TENM4: variants seen among roughly 807,000 people sequenced by gnomAD.
TENM4 encodes teneurin-4.
In TENM4, 82 loss-of-function variants were observed where a neutral mutation model predicts 243.3. That is an observed-to-expected ratio of 0.34 (90% CI 0.28 to 0.40). TENM4 has a LOEUF of 0.40. TENM4 is among the 10% of genes least tolerant of loss of function. TENM4 has a pLI of 1.00. For synonymous variants in TENM4, 1,412 were observed against 1,456.3 expected, an observed-to-expected ratio of 0.97 and a Z score of 0.69; for missense variants, 3,138 against 3,673.3, an observed-to-expected ratio of 0.85 and a Z score of 3.77.
At chr11:79,247,720 C>A (rs1293974783) in intron 2 of TENM4, among the ~76,000 whole-genome samples, 3 of 152,216 alleles carry the variant, frequency 2.0e-5, no homozygotes, top group Non-Finnish European at 4.4e-5. Flanking sequence ...CATGTCTGTC[C>A]CAGGACAGTG....
At chr11:78,825,181 C>T (rs533822358) in intron 12 of TENM4, among the ~76,000 whole-genome samples, 109 of 152,304 alleles carry the variant, frequency 7.2e-4, no homozygotes, top group Non-Finnish European at 1.4e-3. Context: ...GTCACTACAC[C>T]GGTCTAGGTC....
At chr11:78,713,438 A>C (rs773705003) in intron 25 of TENM4, among the ~76,000 whole-genome samples, 1 of 152,260 alleles carries the variant, frequency 6.6e-6, no homozygotes, top group African/African-American at 2.4e-5. Flanking sequence ...AGGCTGTGCC[A>C]ACAGAGAGAG....
intron 28 of TENM4, among the ~76,000 whole-genome samples, chr11:78,697,888 C>T (rs183025406): frequency 6.6e-6 from 1 of 152,192 alleles, no homozygotes; most frequent in African/African-American, 2.4e-5. Flanking sequence ...GCCATCTGAC[C>T]AGGAGCTAAG....
At chr11:78,829,436 G>C (rs1333349004) in intron 12 of TENM4, among the ~76,000 whole-genome samples, 2 of 152,164 alleles carry the variant, frequency 1.3e-5, no homozygotes, top group African/African-American at 4.8e-5. Flanking sequence ...GGGTTGGAGG[G>C]CTCAATGAGA....
chr11:79,030,067 T>TA (rs985102273), intron 6 of TENM4, among the ~76,000 whole-genome samples: 11 of 152,258 alleles, frequency 7.2e-5, no homozygotes, highest in African/African-American at 2.2e-4. Context: ...CGCCCTGGAT[T>TA]AAAAGCAAGA....
intron 12 of TENM4, among the ~76,000 whole-genome samples, chr11:78,847,583 C>T (rs368412882): frequency 1.3e-5 from 2 of 152,346 alleles, no homozygotes; most frequent in African/African-American, 2.4e-5. Context: ...CAGATTGCTC[C>T]AAATAAATCA....
chr11:79,391,974 A>G (rs1162992155), intron 1 of TENM4, among the ~76,000 whole-genome samples: 3 of 152,380 alleles, frequency 2.0e-5, no homozygotes, highest in East Asian at 1.9e-4. Flanking sequence ...AAAAAAATCA[A>G]TATATTATTG....
At chr11:79,010,647 C>T (rs1417926711) in intron 6 of TENM4, among the ~76,000 whole-genome samples, 1 of 152,118 alleles carries the variant, frequency 6.6e-6, no homozygotes, top group African/African-American at 2.4e-5. Context: ...GAAACTCCCC[C>T]TTATTAAACC....
intron 1 of TENM4, among the ~76,000 whole-genome samples, chr11:79,439,747 T>G (rs957037477): frequency 1.3e-5 from 2 of 151,830 alleles, no homozygotes; most frequent in Middle Eastern, 3.2e-3. Context: ...CATTTAAAAA[T>G]GGCAATTAAA....
At chr11:78,996,746 C>T (rs1482740158) in intron 6 of TENM4, among the ~76,000 whole-genome samples, 1 of 152,116 alleles carries the variant, frequency 6.6e-6, no homozygotes, top group Non-Finnish European at 1.5e-5. Flanking sequence ...CTTCTCTTCC[C>T]TTCTCTAGGA....
chr11:79,437,787 C>T (rs1230633384), intron 1 of TENM4, among the ~76,000 whole-genome samples: 7 of 152,334 alleles, frequency 4.6e-5, no homozygotes, highest in Non-Finnish European at 1.0e-4. Flanking sequence ...GATTCCCGCC[C>T]TGCCCGGGGA....
chr11:79,134,797 G>A (rs1159237879), intron 4 of TENM4, among the ~76,000 whole-genome samples: 1 of 152,110 alleles, frequency 6.6e-6, no homozygotes, highest in East Asian at 1.9e-4. Flanking sequence ...GCGACATGTA[G>A]GAGAATGAAA....
chr11:79,049,133 T>C (rs950647278), intron 6 of TENM4, among the ~76,000 whole-genome samples: 3 of 152,130 alleles, frequency 2.0e-5, no homozygotes, highest in Non-Finnish European at 4.4e-5. Flanking sequence ...GCACCTTGCC[T>C]GGCACAGATT....
chr11:79,064,553 C>T, intron 6 of TENM4, 185 bp downstream of exon 6: 1 of 746,094 alleles, frequency 1.3e-6, no homozygotes, highest in East Asian at 2.8e-5. Context: ...CAATCTCTGG[C>T]ATGTCACTCA....
At chr11:78,761,227 G>GTTTTCTTTTTTTTCT (rs1856423608) in intron 18 of TENM4, among the ~76,000 whole-genome samples, 1 of 151,540 alleles carries the variant, frequency 6.6e-6, no homozygotes, top group Non-Finnish European at 1.5e-5. Context: ...CTCCAGGGTG[G>GTTTTCTTTTTTTTCT]TTTTCTTTTT....
intron 1 of TENM4, among the ~76,000 whole-genome samples, chr11:79,390,656 G>A (rs1027295007): frequency 6.6e-6 from 1 of 152,102 alleles, no homozygotes; most frequent in Non-Finnish European, 1.5e-5. Context: ...CCTAGAGATC[G>A]GTCTGGCTCC....
At chr11:79,100,196 T>G (rs1042058517) in intron 4 of TENM4, among the ~76,000 whole-genome samples, 5 of 152,188 alleles carry the variant, frequency 3.3e-5, no homozygotes, top group Non-Finnish European at 7.3e-5. Flanking sequence ...GAGAACAGCA[T>G]ATAGCACACT....
At chr11:79,125,517 T>C (rs1407601712) in intron 4 of TENM4, among the ~76,000 whole-genome samples, 1 of 152,124 alleles carries the variant, frequency 6.6e-6, no homozygotes, top group Non-Finnish European at 1.5e-5. Flanking sequence ...ACGGTTAAAG[T>C]GAAGGCATTG....
At chr11:79,007,419 T>G (rs1369422902) in intron 6 of TENM4, among the ~76,000 whole-genome samples, 1 of 152,104 alleles carries the variant, frequency 6.6e-6, no homozygotes, top group Non-Finnish European at 1.5e-5. Context: ...CAAAGCTGAC[T>G]GGGGGCTAAG....
Sources: gnomAD v4.1 joint callset for allele counts (sites outside exome capture counted in the v4.1 genomes callset) on GRCh38, gnomAD v4.1.1 for gene constraint, MANE v1.5 for transcripts, NCBI Gene and HGNC (gene_info 2026-07-23, HGNC 2026-07-21) for gene names.